SLC16A2: variants seen among roughly 807,000 people sequenced by gnomAD.
SLC16A2 encodes solute carrier family 16 member 2, also known as monocarboxylate transporter 8.
Under a neutral mutation model 27.2 loss-of-function variants are expected in SLC16A2, and 3 were observed. The ratio of observed to expected loss-of-function variants is 0.11; its 90% confidence interval spans 0.05 to 0.28. The LOEUF (loss-of-function observed/expected upper bound fraction) is 0.28, where lower values mean the gene tolerates loss of function less well. SLC16A2 is among the 10% of genes least tolerant of loss of function. The probability of loss-of-function intolerance (pLI) is 1.00; values close to 1 mark genes in which losing one functional copy is unlikely to be tolerated. For missense variants in SLC16A2, 295 were observed against 458.5 expected, an observed-to-expected ratio of 0.64 and a Z score of 3.26; for synonymous variants, 202 against 187.8, an observed-to-expected ratio of 1.08 and a Z score of -0.62.
intron 1 of SLC16A2, among the ~76,000 whole-genome samples, chrX:74,471,455 A>G (rs1381427290): frequency 8.9e-6 from 1 of 111,870 alleles, no homozygotes; most frequent in African/African-American, 3.2e-5. Flanking sequence ...GCCAGACTGG[A>G]AAACCTTTGC....
intron 1 of SLC16A2, among the ~76,000 whole-genome samples, chrX:74,448,005 C>A (rs933967407): frequency 3.6e-5 from 4 of 111,308 alleles, no homozygotes; most frequent in Non-Finnish European, 7.5e-5. Context: ...AACAAAAACA[C>A]AAAAAAACCT....
At chrX:74,478,578 C>T (rs1445799523) in intron 1 of SLC16A2, among the ~76,000 whole-genome samples, 4 of 111,605 alleles carry the variant, frequency 3.6e-5, no homozygotes, top group Non-Finnish European at 5.6e-5. Context: ...TTCCTAGCCT[C>T]GATGGTCTTT....
chrX:74,479,900 G>T (rs1569292152), intron 1 of SLC16A2, among the ~76,000 whole-genome samples: 1 of 112,086 alleles, frequency 8.9e-6, no homozygotes, highest in Non-Finnish European at 1.9e-5. Context: ...CCCTACTGGG[G>T]GTTGCCTCCT....
intron 1 of SLC16A2, among the ~76,000 whole-genome samples, chrX:74,485,971 T>G (rs532023537): frequency 3.6e-5 from 4 of 110,972 alleles, no homozygotes; most frequent in African/African-American, 1.3e-4. Context: ...GTTGCAAGAT[T>G]TAATAGAGTG....
At chrX:74,476,969 G>A (rs1929494219) in intron 1 of SLC16A2, 4 of 111,874 alleles carry the variant, frequency 3.6e-5, no homozygotes, top group South Asian at 7.5e-4. Flanking sequence ...CCAGGCTTTG[G>A]TATCAGAATG....
intron 1 of SLC16A2, among the ~76,000 whole-genome samples, chrX:74,429,594 A>T (rs1453948517): frequency 1.8e-5 from 2 of 111,882 alleles, no homozygotes; most frequent in African/African-American, 6.5e-5. Flanking sequence ...CAAACAAGCA[A>T]TGCCCATACC....
intron 1 of SLC16A2, among the ~76,000 whole-genome samples, chrX:74,459,767 T>C (rs1929103688): frequency 9.0e-6 from 1 of 111,474 alleles, no homozygotes; most frequent in African/African-American, 3.3e-5. Context: ...TTGGCCATTC[T>C]CCAGACTCGG....
At chrX:74,508,001 A>G (rs889769216) in intron 1 of SLC16A2, among the ~76,000 whole-genome samples, 1 of 111,951 alleles carries the variant, frequency 8.9e-6, no homozygotes, top group African/African-American at 3.2e-5. Flanking sequence ...TTTCCTTTGG[A>G]TAAATATCTA....
intron 1 of SLC16A2, among the ~76,000 whole-genome samples, chrX:74,493,727 T>C (rs907030149): frequency 8.9e-6 from 1 of 111,972 alleles, no homozygotes; most frequent in Non-Finnish European, 1.9e-5. Context: ...TGGTGCTAAT[T>C]GGCATCTTCC....
At position 74,421,952 on chromosome X, in the gene SLC16A2, C is replaced by G; in HGVS notation, c.315C>G (p.Phe105Leu). The G allele has an allele frequency of 8.3e-7, 1 of 1,211,110 alleles. No homozygotes were observed. The highest frequency in any genetic ancestry group is 1.8e-5 in the South Asian group (1 of 56,890). ...GTGGCTTCGGCTGGGTGGTGGTGTT[C>G]GCTGCCACCTGGTGCAACGGCTCCA... ...PEGGFGWVVV[F>L]AATWCNGSIF... is the part of the protein sequence containing the mutation. The change falls in exon 1 of 6, where the codon TTC becomes TTG. Residue 105 changes from phenylalanine (F) to leucine (L), a missense_variant. Around this residue, in one of 3 missense-constraint regions of SLC16A2, gnomAD observed 59 missense variants for 153.6 expected, o/e 0.38. Coordinates refer to ENST00000587091, the MANE Select transcript of SLC16A2 (RefSeq NM_006517.5).
At chrX:74,439,275 TCCTC>T (rs1398436804) in intron 1 of SLC16A2, among the ~76,000 whole-genome samples, 1 of 97,202 alleles carries the variant, frequency 1.0e-5, no homozygotes, top group Non-Finnish European at 2.0e-5. Flanking sequence ...CTCCCTTCCT[TCCTC>T]CCTCCCTTCC....
At chrX:74,446,350 G>T (rs1472700525) in intron 1 of SLC16A2, among the ~76,000 whole-genome samples, 1 of 111,652 alleles carries the variant, frequency 9.0e-6, no homozygotes, top group Non-Finnish European at 1.9e-5. Context: ...CTGCTTTAAG[G>T]CTGGGCGCGG....
intron 1 of SLC16A2, among the ~76,000 whole-genome samples, chrX:74,503,884 C>A (rs1930078977): frequency 8.9e-6 from 1 of 112,025 alleles, no homozygotes; most frequent in African/African-American, 3.2e-5. Context: ...TGTTTATTTA[C>A]TTGAGGGCAA....
chrX:74,448,548 T>A (rs520684), intron 1 of SLC16A2, among the ~76,000 whole-genome samples: 54,905 of 109,128 alleles, frequency 0.5, 12,090 homozygotes, highest in East Asian at 0.96. Flanking sequence ...ATCTCTGAGG[T>A]CTCCAAGTCC....
In SLC16A2 at chrX:74,421,943, G is replaced by T; in HGVS notation, c.306G>T (p.Val102=). The T allele has an allele frequency of 8.3e-7, 1 of 1,211,312 alleles. No homozygotes were observed. The highest frequency in any genetic ancestry group is 1.8e-5 in the South Asian group (1 of 56,904). ...FQPPEGGFGW[V]VVFAATWCNG... ...CTCCCGAAGGTGGCTTCGGCTGGGT[G>T]GTGGTGTTCGCTGCCACCTGGTGCA... Residue 102 remains valine, a synonymous_variant, in exon 1 of 6, where the codon GTG becomes GTT. Transcript: ENST00000587091.
At chrX:74,457,271 T>C (rs1188844291) in intron 1 of SLC16A2, among the ~76,000 whole-genome samples, 1 of 110,935 alleles carries the variant, frequency 9.0e-6, no homozygotes, top group Non-Finnish European at 1.9e-5. Context: ...AATGATGGAG[T>C]GATATTTTTA....
chrX:74,485,076 C>A (rs1055932810), intron 1 of SLC16A2, among the ~76,000 whole-genome samples: 5 of 109,975 alleles, frequency 4.5e-5, no homozygotes, highest in Admixed American at 9.6e-5. Context: ...ACTATCCGGG[C>A]GTGGGGGCTC....
intron 1 of SLC16A2, chrX:74,473,613 T>C: frequency 1.0e-6 from 1 of 962,152 alleles, no homozygotes; most frequent in South Asian, 1.9e-5. Flanking sequence ...TCTTCTTTAA[T>C]GCCACCAACA....
At chrX:74,477,744 T>C (rs1425985331) in intron 1 of SLC16A2, among the ~76,000 whole-genome samples, 1 of 112,177 alleles carries the variant, frequency 8.9e-6, no homozygotes, top group African/African-American at 3.2e-5. Context: ...ATGTACCCAG[T>C]AGTCATTCAG....
Sources: gnomAD v4.1 joint callset for allele counts (sites outside exome capture counted in the v4.1 genomes callset) on GRCh38, gnomAD v4.1.1 for gene constraint, gnomAD v4.1.1 regional missense constraint, MANE v1.5 for transcripts, NCBI Gene and HGNC (gene_info 2026-07-23, HGNC 2026-07-21) for gene names.